The following PCGF5 variants were observed in gnomAD, a reference collection of about 807,000 sequenced individuals.
PCGF5 encodes polycomb group RING finger protein 5.
In PCGF5, 9 loss-of-function variants were observed where a neutral mutation model predicts 44.3. The observed-to-expected ratio is 0.20, with a 90% CI of 0.12 to 0.35. PCGF5 has a LOEUF of 0.35. Ranked by LOEUF, PCGF5 falls within the 10% of genes least tolerant of loss-of-function variation. PCGF5 has a pLI of 1.00. For synonymous variants in PCGF5, 95 were observed against 102.5 expected, an observed-to-expected ratio of 0.93 and a Z score of 0.44; for missense variants, 146 against 305.3, an observed-to-expected ratio of 0.48 and a Z score of 3.89.
At chr10:91,207,771 A>G (rs1244959496) in intron 1 of PCGF5, among the ~76,000 whole-genome samples, 3 of 152,308 alleles carry the variant, frequency 2.0e-5, no homozygotes, top group East Asian at 3.9e-4. Flanking sequence ...ATGGCCCTCA[A>G]TGTGGACTTA....
chr10:91,244,226 A>T (rs981287147), intron 3 of PCGF5, among the ~76,000 whole-genome samples: 4 of 152,202 alleles, frequency 2.6e-5, no homozygotes, highest in Non-Finnish European at 4.4e-5. Context: ...TGGTGATGAT[A>T]GGCTTCTGTG....
At position 91,272,501 on chromosome 10, in the gene PCGF5, G is replaced by A. The variant is rs148992362; in HGVS notation, c.723+804G>A. 3.0e-4 allele frequency among the ~76,000 whole-genome samples: 45 copies of A among 152,156 alleles called. No individual in the cohort carries two copies. In the East Asian group the frequency reaches 7.9e-3, roughly 27 times the overall value. On this transcript the variant is annotated intron_variant, in intron 9 of 9. Transcript: ENST00000336126. The stretch of plus-strand genomic sequence containing the variant: ...AAAATTATTTTTTTAGGCCAGACAC[G>A]GTGGCTCACCTCTGTAATCTCAGCA...
At chr10:91,223,351 C>A (rs1336453870) in intron 2 of PCGF5, among the ~76,000 whole-genome samples, 2 of 152,152 alleles carry the variant, frequency 1.3e-5, no homozygotes, top group Non-Finnish European at 2.9e-5. Flanking sequence ...CGCTGGTTCT[C>A]AAAGTGTGAT....
chr10:91,225,316 A>G (rs1190041105), intron 2 of PCGF5, among the ~76,000 whole-genome samples: 2 of 149,048 alleles, frequency 1.3e-5, no homozygotes, highest in African/African-American at 4.9e-5. Context: ...TATATAACAT[A>G]TATGTATGTT....
intron 1 of PCGF5, among the ~76,000 whole-genome samples, chr10:91,192,701 T>G (rs1003946045): frequency 2.0e-5 from 3 of 152,194 alleles, no homozygotes; most frequent in Non-Finnish European, 4.4e-5. Flanking sequence ...TAAACATTTA[T>G]TATATGGTTT....
At chr10:91,161,752 G>A (rs1843388005), upstream of PCGF5, among the ~76,000 whole-genome samples, 1 of 152,126 alleles carries the variant, frequency 6.6e-6, no homozygotes, top group Admixed American at 6.5e-5. Context: ...TGAGGTTTGC[G>A]GACCTATCAG....
intron 1 of PCGF5, among the ~76,000 whole-genome samples, chr10:91,185,923 T>A (rs1843915142): frequency 6.6e-6 from 1 of 152,176 alleles, no homozygotes; most frequent in African/African-American, 2.4e-5. Flanking sequence ...CCAATGCAGG[T>A]ACCTGGATGT....
At chr10:91,179,181 C>A (rs151042545) in intron 1 of PCGF5, among the ~76,000 whole-genome samples, 1 of 152,222 alleles carries the variant, frequency 6.6e-6, no homozygotes, top group Admixed American at 6.5e-5. Flanking sequence ...GGTTTCAAGT[C>A]ATGTACTCTC....
intron 1 of PCGF5, among the ~76,000 whole-genome samples, chr10:91,180,849 A>G (rs1843805355): frequency 6.6e-6 from 1 of 152,148 alleles, no homozygotes; most frequent in Non-Finnish European, 1.5e-5. Context: ...TTTTGGTTCC[A>G]TGTGAATTTT....
intron 2 of PCGF5, among the ~76,000 whole-genome samples, chr10:91,234,156 A>G (rs569781971): frequency 1.7e-4 from 26 of 152,336 alleles, no homozygotes; most frequent in African/African-American, 6.0e-4. Flanking sequence ...AGAACTTGAA[A>G]ATAGGAAATA....
intron 8 of PCGF5, among the ~76,000 whole-genome samples, chr10:91,267,378 T>C (rs1846072444): frequency 6.6e-6 from 1 of 152,200 alleles, no homozygotes; most frequent in African/African-American, 2.4e-5. Flanking sequence ...ATGCCTCTTA[T>C]TTATGTTTAT....
At chr10:91,227,730 A>G (rs1844886380) in intron 2 of PCGF5, 1 of 1,003,516 alleles carries the variant, frequency 1.0e-6, no homozygotes, top group Admixed American at 5.6e-5. Context: ...AAAGCTACTT[A>G]GTGGTGACTG....
At chr10:91,263,315 T>A (rs138906912) in intron 7 of PCGF5, among the ~76,000 whole-genome samples, 2 of 152,002 alleles carry the variant, frequency 1.3e-5, no homozygotes, top group African/African-American at 4.8e-5. Context: ...ACAAAAAAGA[T>A]AAAAATGAAA....
At chr10:91,171,107 G>A (rs1843596410) in intron 1 of PCGF5, among the ~76,000 whole-genome samples, 1 of 152,166 alleles carries the variant, frequency 6.6e-6, no homozygotes, top group African/African-American at 2.4e-5. Flanking sequence ...AACAGGTATA[G>A]CACAGACGAT....
At chr10:91,264,958 A>ACCT (rs1589407545) in intron 8 of PCGF5, among the ~76,000 whole-genome samples, 1 of 152,112 alleles carries the variant, frequency 6.6e-6, no homozygotes, top group East Asian at 1.9e-4. Flanking sequence ...TCTTTCAGGT[A>ACCT]CCTCCTTTTC....
chr10:91,177,863 CG>C (rs1564625806), intron 1 of PCGF5, among the ~76,000 whole-genome samples: 1 of 152,198 alleles, frequency 6.6e-6, no homozygotes, highest in Non-Finnish European at 1.5e-5. Context: ...CTGGGTGAGG[CG>C]ATGCCTCTCC....
Position 91,181,121 on chromosome 10 carries a change from G to T in PCGF5, c.-184+18040G>T, listed in dbSNP as rs545430845. On this transcript the variant is annotated intron_variant, in intron 1 of 9. Transcript: ENST00000614189. Reference sequence around the variant, plus strand: ...ATTTTTATGGCAATTGTGCATGGGAGTTCATTTGTGATTTGGCTCTTGGCC... The same window carrying T: ...ATTTTTATGGCAATTGTGCATGGGATTTCATTTGTGATTTGGCTCTTGGCC... Among the ~76,000 whole-genome samples the T allele has an allele frequency of 2.6e-5, 4 of 152,240 alleles. No homozygotes were observed. In the South Asian group the frequency reaches 6.2e-4, roughly 24 times the overall value.
Position 91,267,249 on chromosome 10 carries a change from CCTT to C in PCGF5, c.663+2732_663+2734del, listed in dbSNP as rs370124703. Among the ~76,000 whole-genome samples the C allele has an allele frequency of 2.4e-3, 365 of 152,312 alleles. 1 individual carries two copies. Among genetic ancestry groups the C allele is most frequent in the African/African-American group, 8.4e-3 (351 of 41,558 alleles). On this transcript the variant is annotated intron_variant, in intron 8 of 9. Transcript: ENST00000336126. ...CTTAAATAATTTTGCTTCTACCTCA[CCTT>C]CTCAGTGAGGCCTCTGACCTCCTCT...
At chr10:91,165,008 TA>T (rs1390730212) in intron 1 of PCGF5, among the ~76,000 whole-genome samples, 10 of 152,238 alleles carry the variant, frequency 6.6e-5, no homozygotes, top group Non-Finnish European at 1.3e-4. Context: ...ATGAAACACT[TA>T]GTATTTGTTG....
Sources: allele counts gnomAD v4.1 joint callset (sites outside exome capture counted in the v4.1 genomes callset), GRCh38; gene constraint gnomAD v4.1.1; transcripts MANE v1.5; gene names NCBI Gene and HGNC (gene_info 2026-07-23, HGNC 2026-07-21).